Variants in AEBP2 observed in about 807,000 individuals in gnomAD.
The protein encoded by AEBP2 is AE binding protein 2.
Under a neutral mutation model 50.8 loss-of-function variants are expected in AEBP2, and 10 were observed. That is an observed-to-expected ratio of 0.20 (90% confidence interval 0.12 to 0.33). The LOEUF (loss-of-function observed/expected upper bound fraction) is 0.33, where lower values mean the gene tolerates loss of function less well. AEBP2 is among the 10% of genes least tolerant of loss of function. The probability of loss-of-function intolerance (pLI) is 1.00; values close to 1 mark genes in which losing one functional copy is unlikely to be tolerated. For missense variants in AEBP2, 570 were observed against 688.0 expected (o/e 0.83, Z 1.92); for synonymous variants, 296 against 261.3 (o/e 1.13, Z -1.28).
At chr12:19,505,092 T>C (rs1949135921) in intron 5 of AEBP2, among the ~76,000 whole-genome samples, 1 of 152,182 alleles carries the variant, frequency 6.6e-6, no homozygotes, top group Non-Finnish European at 1.5e-5. Flanking sequence ...AAATACAGGA[T>C]TTGGAGACCA....
chr12:19,504,674 G>A (rs1365231681), intron 5 of AEBP2, among the ~76,000 whole-genome samples: 1 of 152,124 alleles, frequency 6.6e-6, no homozygotes, highest in Non-Finnish European at 1.5e-5. Flanking sequence ...TCCTGCTTGA[G>A]CCTGGCAGGA....
At chr12:19,513,853 G>C (rs1026958824) in intron 6 of AEBP2, among the ~76,000 whole-genome samples, 1 of 146,022 alleles carries the variant, frequency 6.8e-6, no homozygotes, top group African/African-American at 2.5e-5. Flanking sequence ...TTTTCTTGTA[G>C]AGTTGAATTT....
At chr12:19,488,736 A>G (rs1948852438) in intron 3 of AEBP2, among the ~76,000 whole-genome samples, 1 of 152,174 alleles carries the variant, frequency 6.6e-6, no homozygotes, top group South Asian at 2.1e-4. Context: ...TCGGAAAAAG[A>G]AAAAACCAGT....
At chr12:19,411,088 A>G (rs554499338) in intron 1 of AEBP2, among the ~76,000 whole-genome samples, 25 of 152,338 alleles carry the variant, frequency 1.6e-4, no homozygotes, top group African/African-American at 5.3e-4. Context: ...TAGGGATGTT[A>G]ACAGATGTGG....
At chr12:19,434,923 A>C (rs1703000072), upstream of AEBP2, among the ~76,000 whole-genome samples, 1 of 152,148 alleles carries the variant, frequency 6.6e-6, no homozygotes, top group African/African-American at 2.4e-5. Flanking sequence ...TACCACAGCT[A>C]AAATATTCGT....
chr12:19,416,710 G>A (rs144428722), intron 1 of AEBP2, among the ~76,000 whole-genome samples: 7,168 of 140,140 alleles, frequency 0.051, 382 homozygotes, highest in Admixed American at 0.16. Context: ...TGCAGCCTCC[G>A]CTTCCTGGGT....
chr12:19,439,687 AG>A lies in AEBP2; in HGVS notation c.-12del. On this transcript the variant is annotated 5_prime_UTR_variant, in exon 1 of 8. Coordinates refer to ENST00000266508, the MANE Select transcript of AEBP2 (RefSeq NM_153207.5). ...GGTGGGGAGGAGGAGGAGGAGGAGG[AG>A]CAGGCGCCGCCATGGCCGCCGCTAT... 3 of 1,510,196 alleles carry A rather than the reference AG, an allele frequency of 2.0e-6. No individual in the cohort carries two copies. The highest frequency in any genetic ancestry group is 2.7e-5 in the East Asian group (1 of 37,582). The allele number at this position is 1,510,196 out of a possible 1,614,324, so 93.5% of individuals were successfully genotyped here. A position where few individuals can be genotyped will look rare whatever the true frequency, so the allele number is the denominator to read the frequency against.
At chr12:19,419,450 G>A (rs1445692147) in intron 1 of AEBP2, among the ~76,000 whole-genome samples, 3 of 152,044 alleles carry the variant, frequency 2.0e-5, no homozygotes, top group African/African-American at 7.2e-5. Context: ...TTAGCCAGGC[G>A]TAGTGGCACG....
chr12:19,506,727 A>G (rs1237758053), intron 5 of AEBP2, among the ~76,000 whole-genome samples: 2 of 152,100 alleles, frequency 1.3e-5, no homozygotes, highest in African/African-American at 4.8e-5. Context: ...GTAAAGGGGA[A>G]TTTGTCTTTT....
At chr12:19,455,503 C>T (rs373216036) in intron 1 of AEBP2, among the ~76,000 whole-genome samples, 62 of 152,230 alleles carry the variant, frequency 4.1e-4, no homozygotes, top group African/African-American at 1.4e-3. Context: ...TGCTCATGCA[C>T]CTTGTCATTT....
chr12:19,473,245 C>T lies in AEBP2; in HGVS notation c.880-3C>T. On this transcript the variant is annotated splice_region_variant and splice_polypyrimidine_tract_variant and intron_variant, in intron 2 of 7. Transcript: ENST00000266508. ...ATTAATATGGTTCTGTTTTTCTTAACAGGTATTTGTTTGCTTATGGAAAGG... is the reference window on the plus strand; with the variant it reads ...ATTAATATGGTTCTGTTTTTCTTAATAGGTATTTGTTTGCTTATGGAAAGG... 1 of 1,412,484 alleles carries T rather than the reference C, an allele frequency of 7.1e-7. No individual in the cohort carries two copies. The highest frequency in any genetic ancestry group is 9.4e-7 in the Non-Finnish European group (1 of 1,064,764). 87.5% of individuals were successfully genotyped at this position (1,412,484 alleles called of 1,614,324 possible). A position where few individuals can be genotyped will look rare whatever the true frequency, so the allele number is the denominator to read the frequency against.
At position 19,439,509 on chromosome 12, in the gene AEBP2, G is replaced by T. The variant is rs1947899920; in HGVS notation, c.-191G>T. On this transcript the variant is annotated 5_prime_UTR_variant, in exon 1 of 8. Transcript: ENST00000266508. Reference sequence around the variant, plus strand: ...CGCGCAGCAGTCTCCGTGTGAGTGCGCGTAGTCGCGCGCCTGTCCCCGCGC... The same window carrying T: ...CGCGCAGCAGTCTCCGTGTGAGTGCTCGTAGTCGCGCGCCTGTCCCCGCGC... Among the ~76,000 whole-genome samples the T allele has an allele frequency of 6.6e-6, 1 of 152,016 alleles. No individual in the cohort carries two copies. The highest frequency in any genetic ancestry group is 2.1e-4 in the South Asian group (1 of 4,834).
chr12:19,407,359 G>A (rs559809877), intron 1 of AEBP2, among the ~76,000 whole-genome samples: 24 of 151,786 alleles, frequency 1.6e-4, no homozygotes, highest in African/African-American at 5.1e-4. Context: ...TAGCCCGGGC[G>A]CAATCTTGGC....
chr12:19,518,462 T>C lies in AEBP2; in HGVS notation c.*345T>C. On this transcript the variant is annotated 3_prime_UTR_variant, in exon 8 of 8. Transcript: ENST00000266508. ...GCTTTTTTTTTTCTTTTCTTCCCTT[T>C]AGTGATTTCAGTAGTTTATATTGGA... The C allele has an allele frequency of 8.0e-7, 1 of 1,243,160 alleles. No homozygotes were observed. The highest frequency in any genetic ancestry group is 1.0e-6 in the Non-Finnish European group (1 of 991,896). 77.0% of individuals were successfully genotyped at this position (1,243,160 alleles called of 1,614,324 possible). A position where few individuals can be genotyped will look rare whatever the true frequency, so the allele number is the denominator to read the frequency against.
chr12:19,495,014 C>T (rs1948951400), intron 4 of AEBP2, among the ~76,000 whole-genome samples: 1 of 151,990 alleles, frequency 6.6e-6, no homozygotes, highest in Non-Finnish European at 1.5e-5. Flanking sequence ...TCAAGCAGTT[C>T]TCTGTCTCAG....
chr12:19,512,440 T>C lies in AEBP2; in HGVS notation c.1342T>C (p.Leu448=), dbSNP rs778665595. 7 of 1,579,892 alleles carry C rather than the reference T, an allele frequency of 4.4e-6. No homozygotes were observed. In the East Asian group the frequency reaches 9.1e-5, roughly 20 times the overall value. The change falls in exon 6 of 8, where the codon TTG becomes CTG. Residue 448 remains leucine (L), a synonymous_variant. Transcript: ENST00000266508. ...AGAAGATTCTGGGAAGATCAAACTT[T>C]TGCTTCATTGGATGCCTGAAGACAT... ...RKEDSGKIKL[L]LHWMPEDILP...
chr12:19,486,766 A>G (rs1252293816), intron 3 of AEBP2, among the ~76,000 whole-genome samples: 1 of 151,208 alleles, frequency 6.6e-6, no homozygotes, highest in African/African-American at 2.4e-5. Context: ...ATTCCTCTTA[A>G]CTATATGATA....
chr12:19,465,794 T>G (rs1480376549), intron 2 of AEBP2, among the ~76,000 whole-genome samples: 2 of 141,158 alleles, frequency 1.4e-5, no homozygotes, highest in East Asian at 3.9e-4. Flanking sequence ...GTTTTTTCTT[T>G]TTTTTTTTTT....
At chr12:19,515,794 C>T (rs889749136) in intron 7 of AEBP2, among the ~76,000 whole-genome samples, 3 of 152,058 alleles carry the variant, frequency 2.0e-5, no homozygotes, top group Non-Finnish European at 2.9e-5. Context: ...CATAGTTTTC[C>T]CTATTACAAT....
Sources: gnomAD v4.1 joint callset for allele counts (sites outside exome capture counted in the v4.1 genomes callset) on GRCh38, gnomAD v4.1.1 for gene constraint, MANE v1.5 for transcripts, NCBI Gene and HGNC (gene_info 2026-07-23, HGNC 2026-07-21) for gene names.